The following CSPP1 variants were observed in gnomAD, a reference collection of about 807,000 sequenced individuals.
CSPP1 encodes the protein centrosome and spindle pole-associated protein 1.
In CSPP1, 126 loss-of-function variants were observed where a neutral mutation model predicts 164.4. The observed-to-expected ratio is 0.77, with a 90% CI of 0.66 to 0.89. The LOEUF is 0.89. Among genes scored for constraint, CSPP1 ranks in the 40% least tolerant of loss-of-function variants. The probability of loss-of-function intolerance (pLI) is 0.00; values close to 1 mark genes in which losing one functional copy is unlikely to be tolerated. For missense variants in CSPP1, 1,395 were observed against 1,449.8 expected, an observed-to-expected ratio of 0.96 and a Z score of 0.61; for synonymous variants, 472 against 476.7, an observed-to-expected ratio of 0.99 and a Z score of 0.13.
chr8:67,141,111 C>T (rs772152029), intron 17 of CSPP1, among the ~76,000 whole-genome samples: 2 of 152,102 alleles, frequency 1.3e-5, no homozygotes, highest in Non-Finnish European at 2.9e-5. Flanking sequence ...CATTGGAAAA[C>T]ATTGGGATAG....
rs958093353 is a variant in CSPP1, at chr8:67,072,258, A to G, written c.-10-1985A>G. On this transcript the variant is annotated intron_variant, in intron 1 of 30. Transcript: ENST00000678616. ...CAGTGAGATTGCGCTACTGCACTCC[A>G]GCCTGGGCGACAGAGCAAGACTCTG... is the stretch of plus-strand genomic sequence containing the variant. Among the ~76,000 whole-genome samples the G allele has an allele frequency of 4.6e-5, 7 of 152,084 alleles. No homozygotes were observed. The East Asian group carries it at 1.2e-3, about 25-fold the overall frequency.
intron 4 of CSPP1, among the ~76,000 whole-genome samples, chr8:67,087,061 A>T (rs1254459170): frequency 6.6e-6 from 1 of 151,954 alleles, no homozygotes; most frequent in Non-Finnish European, 1.5e-5. Context: ...TAATATAGTC[A>T]TTACTTTTGA....
chr8:67,086,857 C>A, intron 4 of CSPP1: 1 of 1,341,406 alleles, frequency 7.5e-7, no homozygotes, highest in Non-Finnish European at 1.0e-6. Flanking sequence ...GTAGGGTTGT[C>A]TGCAATACGT....
At chr8:67,172,305 T>C (rs1359967582) in intron 24 of CSPP1, 111 bp from the exon 25 acceptor site, 1 of 787,640 alleles carries the variant, frequency 1.3e-6, no homozygotes, top group Non-Finnish European at 2.1e-6. Context: ...AGAGTAATTT[T>C]TTAATAATAT....
intron 3 of CSPP1, among the ~76,000 whole-genome samples, chr8:67,078,697 G>A (rs981135452): frequency 2.0e-5 from 3 of 151,892 alleles, no homozygotes; most frequent in Non-Finnish European, 2.9e-5. Context: ...CGGGCTGGGC[G>A]TGGTGGCTCA....
At chr8:67,071,424 A>G (rs1806758428) in intron 1 of CSPP1, among the ~76,000 whole-genome samples, 1 of 151,886 alleles carries the variant, frequency 6.6e-6, no homozygotes, top group South Asian at 2.1e-4. Context: ...CCTCAAGTGA[A>G]CATTGGCTGT....
chr8:67,104,511 C>A (rs1814938625), intron 8 of CSPP1, among the ~76,000 whole-genome samples: 1 of 152,066 alleles, frequency 6.6e-6, no homozygotes. Context: ...GGTGGGATTA[C>A]AGGCATGAGC....
chr8:67,135,328 T>C lies in CSPP1; in HGVS notation c.1828-2128T>C, dbSNP rs554428113. ...CCCAGCTAATTTTTATTTTTTATTT[T>C]TTTTTGTATTTTTAGTAGAGGTGGG... is the stretch of plus-strand genomic sequence containing the variant. On this transcript the variant is annotated intron_variant, in intron 16 of 30. Transcript: ENST00000678616. The C allele has an allele frequency of 1.4e-3, 213 of 152,196 alleles. 1 individual carries two copies. Among genetic ancestry groups the C allele is most frequent in the African/African-American group, 4.6e-3 (193 of 41,536 alleles). 9.4% of individuals were successfully genotyped at this position (152,196 alleles called of 1,614,324 possible).
chr8:67,102,691 G>T (rs1367489235), intron 7 of CSPP1, among the ~76,000 whole-genome samples: 1 of 152,160 alleles, frequency 6.6e-6, no homozygotes, highest in African/African-American at 2.4e-5. Flanking sequence ...ATCTTTGTGA[G>T]TGCAGGGACT....
At position 67,195,618 on chromosome 8, in the gene CSPP1, G is replaced by C; in HGVS notation, c.*25G>C. The C allele has an allele frequency of 6.3e-7, 1 of 1,599,538 alleles. No individual in the cohort carries two copies. Among genetic ancestry groups the C allele is most frequent in the Non-Finnish European group, 8.6e-7 (1 of 1,167,618 alleles). On this transcript the variant is annotated 3_prime_UTR_variant, in exon 31 of 31. Transcript: ENST00000678616. ...AAATAAACCTGTACTGGACCCAGTA[G>C]TGCCTTTTAAGGTGAAAGGAATGGT...
At position 67,086,338 on chromosome 8, in the gene CSPP1, G is replaced by T. The variant is rs544190871; in HGVS notation, c.303+228G>T. ...GACTTTTGACCTTTTGACTAAGGCAGTGGATTCTAATTTTAAGTGAGATCG... is the reference window on the plus strand; with the variant it reads ...GACTTTTGACCTTTTGACTAAGGCATTGGATTCTAATTTTAAGTGAGATCG... On this transcript the variant is annotated intron_variant, in intron 4 of 30. Transcript: ENST00000678616. 8.7e-4 allele frequency: 482 copies of T among 553,130 alleles called. 5 individuals carry two copies. Among genetic ancestry groups the T allele is most frequent in the South Asian group, 8.2e-3 (476 of 58,332 alleles). 34.3% of individuals were successfully genotyped at this position (553,130 alleles called of 1,614,324 possible).
chr8:67,090,720 T>C (rs768316241), intron 4 of CSPP1, among the ~76,000 whole-genome samples: 2 of 152,388 alleles, frequency 1.3e-5, no homozygotes, highest in Middle Eastern at 3.4e-3. Context: ...TACTGAATTG[T>C]AAATCCCTTG....
chr8:67,104,293 C>G (rs1191269370), intron 8 of CSPP1, among the ~76,000 whole-genome samples: 1 of 146,452 alleles, frequency 6.8e-6, no homozygotes, highest in African/African-American at 2.5e-5. Flanking sequence ...GAGACAGAGT[C>G]TCGCTTTGTT....
intron 16 of CSPP1, among the ~76,000 whole-genome samples, chr8:67,136,833 G>T (rs1822401260): frequency 6.6e-6 from 1 of 151,906 alleles, no homozygotes; most frequent in African/African-American, 2.4e-5. Context: ...CATGGAACTG[G>T]CAGGGTTAGA....
intron 14 of CSPP1, 71 bp downstream of exon 14, chr8:67,118,440 C>T (rs188651223): frequency 4.8e-6 from 7 of 1,455,368 alleles, no homozygotes; most frequent in Middle Eastern, 3.5e-4. Context: ...TTTGTGTAAA[C>T]AAAAAATATC....
At chr8:67,153,781 G>T (rs985418067) in intron 18 of CSPP1, among the ~76,000 whole-genome samples, 1 of 151,556 alleles carries the variant, frequency 6.6e-6, no homozygotes, top group African/African-American at 2.4e-5. Flanking sequence ...TGTTTCCTTT[G>T]TATCTTTCAG....
intron 26 of CSPP1, 53 bp from the exon 27 acceptor site, chr8:67,177,627 A>G: frequency 8.6e-7 from 1 of 1,161,148 alleles, no homozygotes; most frequent in South Asian, 1.3e-5. Flanking sequence ...TTTAATTTAT[A>G]TAGTAAGCAT....
At position 67,113,990 on chromosome 8, in the gene CSPP1, C is replaced by T. The variant is rs1173938737; in HGVS notation, c.1245+128C>T. 5.4e-6 allele frequency: 3 copies of T among 559,868 alleles called. No individual in the cohort carries two copies. The Admixed American group carries it at 8.6e-5, about 16-fold the overall frequency. The allele number at this position is 559,868 out of a possible 1,614,324, so 34.7% of individuals were successfully genotyped here. A position where few individuals can be genotyped will look rare whatever the true frequency, so the allele number is the denominator to read the frequency against. On this transcript the variant is annotated intron_variant, in intron 11 of 30. Transcript: ENST00000678616. ...CCAATTTGAACAGTAATAAAATTAACTAAATTCAGTTCTCATAAAGTGTAA... is the reference window on the plus strand; with the variant it reads ...CCAATTTGAACAGTAATAAAATTAATTAAATTCAGTTCTCATAAAGTGTAA...
chr8:67,139,032 A>G (rs1002772669), intron 17 of CSPP1, among the ~76,000 whole-genome samples: 4 of 152,218 alleles, frequency 2.6e-5, no homozygotes, highest in African/African-American at 7.2e-5. Flanking sequence ...TCCCAGCACC[A>G]TTTATTAAAT....
Sources: gnomAD v4.1 joint callset for allele counts (sites outside exome capture counted in the v4.1 genomes callset) on GRCh38, gnomAD v4.1.1 for gene constraint, MANE v1.5 for transcripts, NCBI Gene and HGNC (gene_info 2026-07-23, HGNC 2026-07-21) for gene names.